Variants in MKLN1 observed in about 807,000 individuals in gnomAD.
The protein encoded by MKLN1 is muskelin.
A neutral mutation model predicts 99.0 loss-of-function variants in MKLN1; 18 were observed. The ratio of observed to expected loss-of-function variants is 0.18; its 90% CI spans 0.13 to 0.27. The LOEUF (loss-of-function observed/expected upper bound fraction) is 0.27, where lower values mean the gene tolerates loss of function less well. Ranked by LOEUF, MKLN1 falls within the 10% of genes least tolerant of loss-of-function variation. The pLI is 1.00. For synonymous variants in MKLN1, 288 were observed against 293.2 expected (o/e 0.98, Z 0.18); for missense variants, 621 against 875.9 (o/e 0.71, Z 3.67).
chr7:131,447,205 G>T (rs1217217992), intron 12 of MKLN1, among the ~76,000 whole-genome samples: 2 of 152,226 alleles, frequency 1.3e-5, no homozygotes, highest in Admixed American at 1.3e-4. Flanking sequence ...ATTACAACAG[G>T]AAATTAGTAG....
chr7:131,305,267 A>G (rs1798437430), intron 3 of MKLN1, among the ~76,000 whole-genome samples: 1 of 152,222 alleles, frequency 6.6e-6, no homozygotes, highest in Non-Finnish European at 1.5e-5. Flanking sequence ...TTTTGCCCTC[A>G]GCCAACTGGT....
intron 1 of MKLN1, among the ~76,000 whole-genome samples, chr7:131,365,366 T>C (rs1407090984): frequency 6.6e-6 from 1 of 152,172 alleles, no homozygotes; most frequent in Non-Finnish European, 1.5e-5. Context: ...AGATACATAG[T>C]TTGCAAATAT....
intron 2 of MKLN1, among the ~76,000 whole-genome samples, chr7:131,384,597 T>C (rs1793951367): frequency 1.3e-5 from 2 of 152,190 alleles, no homozygotes; most frequent in Non-Finnish European, 2.9e-5. Flanking sequence ...TCTGTTGTTT[T>C]AAAGCCATCG....
chr7:131,227,522 T>TTTCTTTCTTTCTTTCTTTCC (rs1797173758), intron 3 of MKLN1, among the ~76,000 whole-genome samples: 1 of 148,580 alleles, frequency 6.7e-6, no homozygotes, highest in Non-Finnish European at 1.5e-5. Flanking sequence ...TCTTTCTTTC[T>TTTCTTTCTTTCTTTCTTTCC]TTCTTTCTTT....
intron 2 of MKLN1, among the ~76,000 whole-genome samples, chr7:131,167,424 C>A (rs1796142360): frequency 6.6e-6 from 1 of 152,106 alleles, no homozygotes; most frequent in African/African-American, 2.4e-5. Flanking sequence ...GTAATCCCAG[C>A]ACTTTGGGAG....
At chr7:131,308,219 C>G (rs1403329844) in intron 3 of MKLN1, among the ~76,000 whole-genome samples, 1 of 151,244 alleles carries the variant, frequency 6.6e-6, no homozygotes, top group East Asian at 1.9e-4. Context: ...AACTGTGAGT[C>G]AATTACACCT....
intron 2 of MKLN1, among the ~76,000 whole-genome samples, chr7:131,376,137 TATG>T (rs554162993): frequency 0.37 from 3,915 of 10,568 alleles, 276 homozygotes; most frequent in African/African-American, 0.41. Flanking sequence ...TATATATATG[TATG>T]ATGTATGTAT....
At chr7:131,175,181 T>C (rs867218244) in intron 2 of MKLN1, among the ~76,000 whole-genome samples, 2 of 88,554 alleles carry the variant, frequency 2.3e-5, no homozygotes, top group Non-Finnish European at 2.2e-5. Flanking sequence ...ATTAGATAGA[T>C]AGACAGATAG....
intron 8 of MKLN1, among the ~76,000 whole-genome samples, chr7:131,423,280 C>A (rs796636609): frequency 6.6e-6 from 1 of 152,062 alleles, no homozygotes. Flanking sequence ...GAAATTTGAA[C>A]CTTTAACTGT....
intron 3 of MKLN1, among the ~76,000 whole-genome samples, chr7:131,295,875 G>A (rs751977433): frequency 2.3e-5 from 3 of 130,420 alleles, no homozygotes; most frequent in Admixed American, 8.1e-5. Context: ...ACAGAGCAAC[G>A]TCCTATCCAA....
intron 2 of MKLN1, among the ~76,000 whole-genome samples, chr7:131,163,304 G>A (rs1322906192): frequency 6.6e-6 from 1 of 152,220 alleles, no homozygotes; most frequent in Non-Finnish European, 1.5e-5. Flanking sequence ...GGAGGAAATT[G>A]CCTATGAGAA....
At chr7:131,483,885 G>A (rs1273308882) in intron 17 of MKLN1, among the ~76,000 whole-genome samples, 1 of 152,168 alleles carries the variant, frequency 6.6e-6, no homozygotes, top group Non-Finnish European at 1.5e-5. Flanking sequence ...TTGGTTTGGG[G>A]GTTACACATG....
chr7:131,327,681 C>T (rs903018680), upstream of MKLN1: 10 of 725,802 alleles, frequency 1.4e-5, no homozygotes, highest in African/African-American at 1.5e-4. Flanking sequence ...CTGGAAAGCG[C>T]TTACACCTCA....
chr7:131,177,174 A>G (rs928935221), intron 2 of MKLN1, among the ~76,000 whole-genome samples: 1 of 152,198 alleles, frequency 6.6e-6, no homozygotes, highest in Non-Finnish European at 1.5e-5. Context: ...TTCCATACAC[A>G]TATAAAAAGA....
At chr7:131,357,457 A>G (rs1438794520) in intron 1 of MKLN1, among the ~76,000 whole-genome samples, 2 of 152,212 alleles carry the variant, frequency 1.3e-5, no homozygotes, top group African/African-American at 4.8e-5. Flanking sequence ...TACACAGCCA[A>G]TACTGAGGGA....
At chr7:131,119,616 C>G (rs1389025471) in intron 1 of MKLN1, among the ~76,000 whole-genome samples, 1 of 152,230 alleles carries the variant, frequency 6.6e-6, no homozygotes, top group Non-Finnish European at 1.5e-5. Context: ...CCTGGACATC[C>G]AGACATTTCC....
intron 3 of MKLN1, among the ~76,000 whole-genome samples, chr7:131,282,941 A>G (rs974356528): frequency 1.3e-5 from 2 of 152,146 alleles, no homozygotes; most frequent in Non-Finnish European, 2.9e-5. Context: ...ACCAATCCTC[A>G]TCTTCATTCC....
chr7:131,110,765 C>T (rs1795182736), intron 1 of MKLN1, among the ~76,000 whole-genome samples: 1 of 152,190 alleles, frequency 6.6e-6, no homozygotes, highest in African/African-American at 2.4e-5. Context: ...CCTCATTCGG[C>T]TTAAAGGAGA....
At chr7:131,375,811 ATAAAC>A (rs1252337092) in intron 2 of MKLN1, among the ~76,000 whole-genome samples, 1 of 151,034 alleles carries the variant, frequency 6.6e-6, no homozygotes, top group Non-Finnish European at 1.5e-5. Flanking sequence ...TATGGGGAAA[ATAAAC>A]TTAAATAGTT....
Sources: gnomAD v4.1 joint callset for allele counts (sites outside exome capture counted in the v4.1 genomes callset) on GRCh38, gnomAD v4.1.1 for gene constraint, MANE v1.5 for transcripts, NCBI Gene and HGNC (gene_info 2026-07-23, HGNC 2026-07-21) for gene names.